TOX: variants seen among roughly 807,000 people sequenced by gnomAD.
The protein encoded by TOX is thymocyte selection-associated high mobility group box protein TOX.
TOX carries 11 observed loss-of-function variants against 53.7 expected under a neutral mutation model. The observed-to-expected ratio is 0.20, with a 90% CI of 0.13 to 0.34. TOX has a LOEUF of 0.34. Among genes scored for constraint, TOX ranks in the 10% least tolerant of loss-of-function variants. The pLI is 1.00. For synonymous variants in TOX, 225 were observed against 245.3 expected, an observed-to-expected ratio of 0.92 and a Z score of 0.77; for missense variants, 570 against 664.6, an observed-to-expected ratio of 0.86 and a Z score of 1.56.
At chr8:59,010,677 A>G (rs1159610944) in intron 1 of TOX, among the ~76,000 whole-genome samples, 1 of 152,218 alleles carries the variant, frequency 6.6e-6, no homozygotes, top group African/African-American at 2.4e-5. Flanking sequence ...CCTACCACAT[A>G]GTGTTATCAT....
At chr8:58,945,829 C>A (rs920508777) in intron 2 of TOX, among the ~76,000 whole-genome samples, 1 of 152,146 alleles carries the variant, frequency 6.6e-6, no homozygotes, top group Admixed American at 6.5e-5. Flanking sequence ...GTTGCCTTTT[C>A]TTCTCTTTTC....
intron 3 of TOX, among the ~76,000 whole-genome samples, chr8:58,921,840 C>T (rs1812081043): frequency 6.6e-6 from 1 of 152,264 alleles, no homozygotes; most frequent in African/African-American, 2.4e-5. Context: ...AAGTCATTTT[C>T]ACTACATATA....
chr8:59,059,622 C>A (rs1332277772), intron 1 of TOX, among the ~76,000 whole-genome samples: 2 of 152,016 alleles, frequency 1.3e-5, no homozygotes, highest in Non-Finnish European at 2.9e-5. Flanking sequence ...TATCAGGAGG[C>A]CCATATTTCA....
chr8:58,998,538 T>TATATATAA (rs1491248348), intron 1 of TOX, among the ~76,000 whole-genome samples: 1 of 131,238 alleles, frequency 7.6e-6, no homozygotes, highest in African/African-American at 3.0e-5. Flanking sequence ...TATATATATA[T>TATATATAA]AAATTTATAT....
intron 3 of TOX, among the ~76,000 whole-genome samples, chr8:58,896,365 A>ATT (rs1811646215): frequency 1.3e-5 from 2 of 152,064 alleles, no homozygotes; most frequent in African/African-American, 4.8e-5. Flanking sequence ...ATCAGAATAT[A>ATT]CCATATTAGC....
intron 1 of TOX, among the ~76,000 whole-genome samples, chr8:58,986,441 A>C (rs1813329238): frequency 6.6e-6 from 1 of 152,248 alleles, no homozygotes; most frequent in Non-Finnish European, 1.5e-5. Flanking sequence ...AAGTAACTCT[A>C]AGCAACGTGG....
intron 3 of TOX, among the ~76,000 whole-genome samples, chr8:58,907,305 T>A (rs139963894): frequency 6.2e-4 from 94 of 152,298 alleles, no homozygotes; most frequent in Middle Eastern, 3.4e-3. Context: ...TGTACTGAGA[T>A]GTTTATGGAT....
intron 3 of TOX, among the ~76,000 whole-genome samples, chr8:58,855,184 T>C (rs1231026477): frequency 6.6e-6 from 1 of 152,186 alleles, no homozygotes; most frequent in Admixed American, 6.5e-5. Context: ...CTCTAAGTGA[T>C]TCCTTAACAT....
intron 1 of TOX, among the ~76,000 whole-genome samples, chr8:59,065,685 G>T (rs1180365320): frequency 6.6e-6 from 1 of 152,102 alleles, no homozygotes; most frequent in Non-Finnish European, 1.5e-5. Context: ...CTGTCACAGA[G>T]CAGAAACATC....
intron 2 of TOX, among the ~76,000 whole-genome samples, chr8:58,951,568 T>C (rs1046087775): frequency 6.6e-6 from 1 of 152,068 alleles, no homozygotes; most frequent in Non-Finnish European, 1.5e-5. Context: ...CTGGCATCCC[T>C]ATTTTCCCCC....
chr8:59,098,590 G>T (rs1218677060), intron 1 of TOX, among the ~76,000 whole-genome samples: 1 of 152,130 alleles, frequency 6.6e-6, no homozygotes, highest in Non-Finnish European at 1.5e-5. Context: ...CAAGTTGCCT[G>T]AATCAGAAAG....
intron 3 of TOX, among the ~76,000 whole-genome samples, chr8:58,895,419 C>T (rs956220336): frequency 6.6e-6 from 1 of 152,126 alleles, no homozygotes; most frequent in Non-Finnish European, 1.5e-5. Flanking sequence ...TATTATCCTA[C>T]TCATTTTTGT....
intron 1 of TOX, among the ~76,000 whole-genome samples, chr8:59,014,873 T>C (rs1337720547): frequency 6.6e-6 from 1 of 152,222 alleles, no homozygotes; most frequent in Non-Finnish European, 1.5e-5. Flanking sequence ...GAAACAGGCC[T>C]AATTAAAGAA....
At chr8:58,880,351 T>C (rs1045856056) in intron 3 of TOX, among the ~76,000 whole-genome samples, 1 of 152,212 alleles carries the variant, frequency 6.6e-6, no homozygotes, top group Non-Finnish European at 1.5e-5. Context: ...ATAAAACCCA[T>C]CCCTTCAGAG....
At chr8:59,067,415 A>G (rs1028838051) in intron 1 of TOX, among the ~76,000 whole-genome samples, 1 of 151,980 alleles carries the variant, frequency 6.6e-6, no homozygotes, top group African/African-American at 2.4e-5. Context: ...TTAGCCACCC[A>G]TGATGGTGCA....
At chr8:59,009,480 C>T (rs1318013704) in intron 1 of TOX, among the ~76,000 whole-genome samples, 1 of 152,150 alleles carries the variant, frequency 6.6e-6, no homozygotes, top group African/African-American at 2.4e-5. Context: ...TCAAGCGTTT[C>T]TCCTGCCTCA....
chr8:58,967,076 G>A (rs1245558549), intron 1 of TOX, among the ~76,000 whole-genome samples: 14 of 151,800 alleles, frequency 9.2e-5, no homozygotes, highest in East Asian at 2.0e-4. Context: ...GGGTTTCACC[G>A]TGTTAGCCAG....
chr8:58,985,421 T>C (rs139984652), intron 1 of TOX, among the ~76,000 whole-genome samples: 102 of 152,284 alleles, frequency 6.7e-4, no homozygotes, highest in African/African-American at 2.4e-3. Flanking sequence ...TACTGTATGA[T>C]TCCACTTGCA....
chr8:58,866,024 A>G (rs1387567082), intron 3 of TOX, among the ~76,000 whole-genome samples: 1 of 151,920 alleles, frequency 6.6e-6, no homozygotes, highest in East Asian at 1.9e-4. Flanking sequence ...TAGTAGAGAC[A>G]GGGTTTTACC....
Sources: allele counts gnomAD v4.1 joint callset (sites outside exome capture counted in the v4.1 genomes callset), GRCh38; gene constraint gnomAD v4.1.1; transcripts MANE v1.5; gene names NCBI Gene and HGNC (gene_info 2026-07-23, HGNC 2026-07-21).